INTS9: variants seen among roughly 807,000 people sequenced by gnomAD.
The protein encoded by INTS9 is protein related to CPSF subunits of 74 kDa.
INTS9 carries 55 observed loss-of-function variants against 79.7 expected under a neutral mutation model. That is an observed-to-expected ratio of 0.69 (90% CI 0.56 to 0.86). The LOEUF is 0.86. Ranked by LOEUF, INTS9 falls within the 40% of genes least tolerant of loss-of-function variation. INTS9 has a pLI of 0.00. For missense variants in INTS9, 721 were observed against 831.5 expected, an observed-to-expected ratio of 0.87 and a Z score of 1.64; for synonymous variants, 319 against 325.2, an observed-to-expected ratio of 0.98 and a Z score of 0.20.
At chr8:28,813,396 G>T in intron 7 of INTS9, 96 bp downstream of exon 7, 1 of 1,256,170 alleles carries the variant, frequency 8.0e-7, no homozygotes, top group Non-Finnish European at 1.1e-6. Context: ...CAATGGAATG[G>T]CTTTAAAAAC....
intron 6 of INTS9, among the ~76,000 whole-genome samples, chr8:28,834,628 C>T (rs1025220210): frequency 6.6e-6 from 1 of 151,742 alleles, no homozygotes; most frequent in African/African-American, 2.4e-5. Flanking sequence ...CCTTCCTAAG[C>T]AGAGTTCTTC....
chr8:28,779,510 T>G (rs241200), intron 12 of INTS9, among the ~76,000 whole-genome samples: 119,489 of 152,096 alleles, frequency 0.79, 47,125 homozygotes, highest in Non-Finnish European at 0.81. Flanking sequence ...ACACAGAACT[T>G]TCCTGACCAC....
At chr8:28,879,945 T>A (rs918909063) in intron 1 of INTS9, among the ~76,000 whole-genome samples, 4 of 152,044 alleles carry the variant, frequency 2.6e-5, no homozygotes, top group Admixed American at 2.6e-4. Context: ...ATGCGCTAAA[T>A]CTGGATCGTG....
At chr8:28,771,146 T>C (rs374126478) in intron 14 of INTS9, 66 bp from the exon 15 acceptor site, 1 of 1,111,822 alleles carries the variant, frequency 9.0e-7, no homozygotes. Context: ...TCCTTTAATC[T>C]GTATTTACAT....
chr8:28,886,390 G>A (rs1810176300), intron 1 of INTS9, among the ~76,000 whole-genome samples: 1 of 151,054 alleles, frequency 6.6e-6, no homozygotes, highest in Non-Finnish European at 1.5e-5. Context: ...TGGGACTACA[G>A]GCACATGCCA....
intron 6 of INTS9, among the ~76,000 whole-genome samples, chr8:28,817,096 T>C (rs1477278311): frequency 6.7e-6 from 1 of 149,868 alleles, no homozygotes; most frequent in Non-Finnish European, 1.5e-5. Flanking sequence ...TTCTCCCATT[T>C]TGTAGGTTGC....
intron 4 of INTS9, among the ~76,000 whole-genome samples, chr8:28,844,868 A>C (rs925911257): frequency 6.6e-6 from 1 of 152,234 alleles, no homozygotes; most frequent in African/African-American, 2.4e-5. Flanking sequence ...TATGGTGGTA[A>C]ATGAGAAAAT....
chr8:28,848,076 C>T lies in INTS9; in HGVS notation c.199-1267G>A, dbSNP rs189627162. 2.7e-3 allele frequency among the ~76,000 whole-genome samples: 415 copies of T among 152,298 alleles called. 2 individuals are homozygous for T. The highest frequency in any genetic ancestry group is 9.6e-3 in the African/African-American group (401 of 41,564). ...ACCAATAGGGTCTGCTACGATGCCT[C>T]CTGAAGGCCACTAATGCTTTCTCCT... is the stretch of plus-strand genomic sequence containing the variant. On this transcript the variant is annotated intron_variant, in intron 3 of 16. Transcript: ENST00000521022.
At chr8:28,880,781 G>A (rs1809701332) in intron 1 of INTS9, among the ~76,000 whole-genome samples, 1 of 149,486 alleles carries the variant, frequency 6.7e-6, no homozygotes, top group Non-Finnish European at 1.5e-5. Context: ...GAGCGTCTCT[G>A]CCCGGCCGCC....
intron 2 of INTS9, among the ~76,000 whole-genome samples, chr8:28,855,007 C>G (rs968508969): frequency 6.6e-6 from 1 of 152,150 alleles, no homozygotes; most frequent in Non-Finnish European, 1.5e-5. Flanking sequence ...GTGAACAGCC[C>G]AGCAGGTTCC....
rs78152377 is a variant in INTS9, at chr8:28,843,220, G to A, written c.261+3527C>T. 5.6e-3 allele frequency among the ~76,000 whole-genome samples: 848 copies of A among 152,266 alleles called. 12 individuals carry two copies. Among genetic ancestry groups the A allele is most frequent in the African/African-American group, 0.02 (812 of 41,552 alleles). On this transcript the variant is annotated intron_variant, in intron 4 of 16. Coordinates refer to ENST00000521022, the MANE Select transcript of INTS9 (RefSeq NM_018250.4). ...TTTTTTCTTCAAGGATCAGGGGTTG[G>A]CCACTTTATAGGTAAAGGCAGTCCT...
Position 28,812,335 on chromosome 8 carries a change from G to A in INTS9, c.736C>T (p.His246Tyr), listed in dbSNP as rs779746812. The change falls in exon 8 of 17, where the codon CAC becomes TAC. Residue 246 changes from histidine (H) to tyrosine (Y), a missense_variant. Around this residue, in one of 3 missense-constraint regions of INTS9, gnomAD observed 291 missense variants for 307.0 expected, o/e 0.95. Coordinates refer to ENST00000521022, the MANE Select transcript of INTS9 (RefSeq NM_018250.4). ...AGAGAATTTGGAATTACCTGGGGGTGTGTGGTAAGCAAGGAGGATCCAGAG... is the reference window on the plus strand; with the variant it reads ...AGAGAATTTGGAATTACCTGGGGGTATGTGGTAAGCAAGGAGGATCCAGAG... The part of the protein sequence containing the change: ...YVSGSSLLTT[H>Y]PQPMDQASLK... 1 of 1,613,964 alleles carries A rather than the reference G, an allele frequency of 6.2e-7. No homozygotes were observed. Among genetic ancestry groups the A allele is most frequent in the Admixed American group, 1.7e-5 (1 of 60,006 alleles).
chr8:28,854,819 A>G (rs771242286), intron 2 of INTS9, among the ~76,000 whole-genome samples: 4 of 152,174 alleles, frequency 2.6e-5, no homozygotes, highest in African/African-American at 7.2e-5. Flanking sequence ...TCAAGGGGAA[A>G]CTGAGGGCAG....
intron 8 of INTS9, among the ~76,000 whole-genome samples, chr8:28,803,428 GA>G (rs1322925367): frequency 6.6e-6 from 1 of 152,210 alleles, no homozygotes; most frequent in African/African-American, 2.4e-5. Flanking sequence ...ACGTTTATGG[GA>G]TCTTTCCAAC....
intron 8 of INTS9, among the ~76,000 whole-genome samples, chr8:28,799,165 G>A (rs758175971): frequency 3.3e-5 from 5 of 151,992 alleles, no homozygotes; most frequent in East Asian, 3.9e-4. Flanking sequence ...GCGTGCTGGC[G>A]GGCACCTGTA....
In INTS9 at chr8:28,780,920, A is replaced by G. The variant is rs777947693; in HGVS notation, c.1173T>C (p.Cys391=). 2 of 1,614,174 alleles carry G rather than the reference A, an allele frequency of 1.2e-6. No individual in the cohort carries two copies. The highest frequency in any genetic ancestry group is 1.7e-6 in the Non-Finnish European group (2 of 1,180,028). The part of the protein sequence containing the change: ...GDFSNDFRQP[C]VVFTGHPSLR... Reference sequence around the variant, plus strand: ...GGGAAGGGTGCCCGGTGAACACCACACAGGGCTGTCTAAAGTCGTTGCTGA... The same window carrying G: ...GGGAAGGGTGCCCGGTGAACACCACGCAGGGCTGTCTAAAGTCGTTGCTGA... Residue 391 remains cysteine (C), a synonymous_variant, in exon 12 of 17, where the codon TGT becomes TGC. Coordinates refer to ENST00000521022, the MANE Select transcript of INTS9 (RefSeq NM_018250.4).
intron 1 of INTS9, among the ~76,000 whole-genome samples, chr8:28,873,714 T>A (rs73239185): frequency 0.025 from 3,825 of 152,292 alleles, 162 homozygotes; most frequent in Admixed American, 0.12. Flanking sequence ...ATGAAAAGTA[T>A]ACCTAAAACC....
At chr8:28,850,407 A>G (rs1206904051) in intron 2 of INTS9, 134 bp from the exon 3 acceptor site, 4 of 547,376 alleles carry the variant, frequency 7.3e-6, no homozygotes, top group East Asian at 3.1e-5. Flanking sequence ...CTAAATTCCA[A>G]TAAAAAATAA....
chr8:28,804,096 T>G (rs1804671951), intron 8 of INTS9, among the ~76,000 whole-genome samples: 1 of 152,084 alleles, frequency 6.6e-6, no homozygotes, highest in African/African-American at 2.4e-5. Context: ...GCTTCTTTCT[T>G]GATTTTTTGT....
Sources: allele counts gnomAD v4.1 joint callset (sites outside exome capture counted in the v4.1 genomes callset), GRCh38; gene constraint gnomAD v4.1.1; regional missense constraint gnomAD v4.1.1; transcripts MANE v1.5; gene names NCBI Gene and HGNC (gene_info 2026-07-23, HGNC 2026-07-21).